The following SEC31A variants were observed in gnomAD, a reference collection of about 807,000 sequenced individuals.
SEC31A encodes SEC31 homolog A, COPII component.
Under a neutral mutation model 151.0 loss-of-function variants are expected in SEC31A, and 70 were observed. That is an observed-to-expected ratio of 0.46 (90% confidence interval 0.38 to 0.57). The LOEUF (loss-of-function observed/expected upper bound fraction) is 0.57, where lower values mean the gene tolerates loss of function less well. Among genes scored for constraint, SEC31A ranks in the 20% least tolerant of loss-of-function variants. The pLI is 0.00. For synonymous variants in SEC31A, 475 were observed against 505.9 expected (o/e 0.94, Z 0.82); for missense variants, 1,330 against 1,471.2 (o/e 0.90, Z 1.57).
intron 19 of SEC31A, among the ~76,000 whole-genome samples, chr4:82,849,590 G>A (rs1362814255): frequency 2.1e-5 from 3 of 145,198 alleles, no homozygotes; most frequent in Non-Finnish European, 4.5e-5. Flanking sequence ...CTCCAGCCTG[G>A]GCGACAGAGC....
chr4:82,845,323 G>A, intron 20 of SEC31A: 1 of 1,246,444 alleles, frequency 8.0e-7, no homozygotes, highest in South Asian at 1.7e-5. Flanking sequence ...ACCAATCACA[G>A]AAAATAAAAA....
rs775953561 is a variant in SEC31A, at chr4:82,870,294, T to G, written c.882+31A>C. 3 of 1,543,576 alleles carry G rather than the reference T, an allele frequency of 1.9e-6. No homozygotes were observed. The Admixed American group carries it at 5.1e-5, about 26-fold the overall frequency. ...GCCAGAAGTAACATACTATAAGGGC[T>G]ACAAGGTTGAGACACATTTCCTGCC... is the stretch of plus-strand genomic sequence containing the variant. On this transcript the variant is annotated intron_variant, in intron 8 of 26. Transcript: ENST00000395310.
rs1290879813 is a variant in SEC31A, at chr4:82,839,370, T to TG, written c.2968+2769dup. Among the ~76,000 whole-genome samples the TG allele has an allele frequency of 2.6e-5, 4 of 151,876 alleles. 1 individual carries two copies. The highest frequency in any genetic ancestry group is 2.6e-4 in the Admixed American group (4 of 15,260). ...TTCGCCATGTTGGCCAGGCTGGTCT[T>TG]GAACTCCTGACCTCAGGTGATCCGC... is the stretch of plus-strand genomic sequence containing the variant. On this transcript the variant is annotated intron_variant, in intron 22 of 26. Coordinates refer to ENST00000395310, the MANE Select transcript of SEC31A (RefSeq NM_001077207.4).
At chr4:82,860,149 C>G (rs1406037816) in intron 14 of SEC31A, among the ~76,000 whole-genome samples, 1 of 151,946 alleles carries the variant, frequency 6.6e-6, no homozygotes. Flanking sequence ...ACAATTTATC[C>G]TTATTTATGG....
At chr4:82,890,651 C>T in intron 1 of SEC31A, 1 of 741,410 alleles carries the variant, frequency 1.3e-6, no homozygotes, top group Non-Finnish European at 1.7e-6. Context: ...AACCTATGAA[C>T]CTTTAAATCT....
At chr4:82,884,079 C>T (rs910762207) in intron 1 of SEC31A, among the ~76,000 whole-genome samples, 2 of 150,706 alleles carry the variant, frequency 1.3e-5, no homozygotes, top group East Asian at 2.0e-4. Flanking sequence ...CGTCTGCCTC[C>T]GGGTTCAAGC....
intron 2 of SEC31A, chr4:82,899,939 A>G (rs1400075546): frequency 6.6e-6 from 1 of 152,440 alleles, no homozygotes; most frequent in Middle Eastern, 3.4e-3. Flanking sequence ...TTCCTCAAAC[A>G]TAAGAGCTTA....
At chr4:82,835,664 A>G (rs1389753923) in intron 22 of SEC31A, among the ~76,000 whole-genome samples, 1 of 152,122 alleles carries the variant, frequency 6.6e-6, no homozygotes, top group Non-Finnish European at 1.5e-5. Context: ...ACGTGGTGGC[A>G]CACACATGTA....
intron 1 of SEC31A, among the ~76,000 whole-genome samples, chr4:82,888,901 T>C (rs1741594154): frequency 6.6e-6 from 1 of 152,148 alleles, no homozygotes; most frequent in Admixed American, 6.5e-5. Context: ...CAATGCTATA[T>C]ACAGAGCTGA....
chr4:82,874,300 G>GA (rs5859840), intron 6 of SEC31A, among the ~76,000 whole-genome samples: 347 of 116,664 alleles, frequency 3.0e-3, no homozygotes, highest in African/African-American at 3.7e-3. Context: ...TCCGTCTCAA[G>GA]AAAAAAAAAA....
At chr4:82,888,089 T>C (rs1303194058) in intron 1 of SEC31A, among the ~76,000 whole-genome samples, 1 of 143,982 alleles carries the variant, frequency 6.9e-6, no homozygotes, top group African/African-American at 2.6e-5. Flanking sequence ...AAAAAACATC[T>C]ATTAGCCAGG....
chr4:82,856,928 T>C (rs1448489353), intron 16 of SEC31A, 24 bp downstream of exon 16: 2 of 1,575,658 alleles, frequency 1.3e-6, no homozygotes, highest in Admixed American at 3.8e-5. Flanking sequence ...AAATACGTTA[T>C]TGCTTATTTT....
rs140582072 is a variant in SEC31A, at chr4:82,857,053, G to T, written c.1780C>A (p.Arg594Ser). ...GCCAATATAATGGCATCGGCCATGC[G>T]GTTATCATGTAAACAAAGGTCAACA... ...SAVDLCLHDN[R>S]MADAIILAIA... Residue 594 changes from arginine (R) to serine (S), a missense_variant, in exon 16 of 27, where the codon CGC (arginine) becomes AGC (serine). Physicochemically the swap from Arg to Ser is moderately radical, Grantham distance 110. Coordinates refer to ENST00000395310, the MANE Select transcript of SEC31A (RefSeq NM_001077207.4). The T allele has an allele frequency of 5.3e-5, 86 of 1,613,896 alleles. No individual in the cohort carries two copies. Among genetic ancestry groups the T allele is most frequent in the Non-Finnish European group, 7.1e-5 (84 of 1,179,968 alleles).
intron 7 of SEC31A, chr4:82,871,445 T>C: frequency 7.0e-7 from 1 of 1,427,770 alleles, no homozygotes; most frequent in Non-Finnish European, 9.5e-7. Context: ...AAACAATGGA[T>C]AACAAAACCA....
At chr4:82,837,468 C>A (rs1177370048) in intron 22 of SEC31A, among the ~76,000 whole-genome samples, 2 of 151,956 alleles carry the variant, frequency 1.3e-5, no homozygotes, top group Non-Finnish European at 2.9e-5. Context: ...CTCACAACCT[C>A]TGTCTCCCGG....
chr4:82,891,016 C>T, intron 1 of SEC31A, 72 bp downstream of exon 1: 1 of 1,526,014 alleles, frequency 6.6e-7, no homozygotes, highest in Non-Finnish European at 8.8e-7. Context: ...GCTGCGGTCC[C>T]AGTTTTGGCC....
intron 8 of SEC31A, among the ~76,000 whole-genome samples, chr4:82,869,717 T>A (rs1209004650): frequency 6.6e-6 from 1 of 152,170 alleles, no homozygotes. Flanking sequence ...CCACAACTCT[T>A]AAACCAGAAA....
At chr4:82,892,675 C>T (rs921101736), upstream of SEC31A, among the ~76,000 whole-genome samples, 2 of 152,182 alleles carry the variant, frequency 1.3e-5, no homozygotes, top group African/African-American at 4.8e-5. Flanking sequence ...AGTAACAAAT[C>T]AACAAACTTT....
chr4:82,885,019 G>A (rs956680716), intron 1 of SEC31A, among the ~76,000 whole-genome samples: 1 of 152,098 alleles, frequency 6.6e-6, no homozygotes, highest in Admixed American at 6.6e-5. Context: ...TATCCATAAT[G>A]TTCAAATTCA....
Sources: allele counts gnomAD v4.1 joint callset (sites outside exome capture counted in the v4.1 genomes callset), GRCh38; gene constraint gnomAD v4.1.1; transcripts MANE v1.5; gene names NCBI Gene and HGNC (gene_info 2026-07-23, HGNC 2026-07-21).